AFG1L: variants seen among roughly 807,000 people sequenced by gnomAD.
AFG1L encodes AFG1 like ATPase.
Under a neutral mutation model 62.2 loss-of-function variants are expected in AFG1L, and 53 were observed. The observed-to-expected ratio is 0.85, with a 90% CI of 0.68 to 1.07. The LOEUF is 1.07. AFG1L is among the 50% of genes least tolerant of loss of function. The pLI, the probability that AFG1L is intolerant of heterozygous loss-of-function variation, is 0.00. For synonymous variants in AFG1L, 228 were observed against 210.3 expected (o/e 1.08, Z -0.73); for missense variants, 555 against 590.5 (o/e 0.94, Z 0.62).
intron 6 of AFG1L, among the ~76,000 whole-genome samples, chr6:108,386,326 T>G (rs539096434): frequency 1.1e-4 from 16 of 152,192 alleles, no homozygotes; most frequent in African/African-American, 3.9e-4. Context: ...CTGGGCATGG[T>G]GGCGCATACC....
At chr6:108,510,438 C>T in intron 11 of AFG1L, 86 bp downstream of exon 11, 2 of 969,042 alleles carry the variant, frequency 2.1e-6, no homozygotes, top group Non-Finnish European at 3.1e-6. Context: ...ACTTAACATA[C>T]TTCTATCACT....
chr6:108,476,765 C>CT (rs533673486), intron 8 of AFG1L, 100 bp from the exon 9 acceptor site: 5,206 of 720,246 alleles, frequency 7.2e-3, no homozygotes, highest in Non-Finnish European at 8.3e-3. Flanking sequence ...ACATCCTGTT[C>CT]TTTTTTTTTA....
chr6:108,431,748 A>T (rs1221465418), intron 7 of AFG1L, among the ~76,000 whole-genome samples: 4 of 150,706 alleles, frequency 2.7e-5, no homozygotes, highest in East Asian at 2.0e-4. Flanking sequence ...ACACCTGGCT[A>T]ATTTTTTGTA....
At chr6:108,364,120 C>T (rs999851403) in intron 5 of AFG1L, among the ~76,000 whole-genome samples, 2 of 152,070 alleles carry the variant, frequency 1.3e-5, no homozygotes, top group East Asian at 1.9e-4. Flanking sequence ...CTCTTTTGTT[C>T]GTGGTGGTAA....
At position 108,476,894 on chromosome 6, in the gene AFG1L, T is replaced by C. The variant is rs139391153; in HGVS notation, c.920T>C (p.Met307Thr). ...AGTGAAGCTGATGTGGAGGCTGTCA[T>C]GGATAAGTTGTTTGATGAGCTGGCT... ...LTSEADVEAV[M>T]DKLFDELAQK... The change falls in exon 9 of 13, where the codon ATG becomes ACG. Residue 307 changes from methionine to threonine, a missense_variant. Transcript: ENST00000368977. The C allele has an allele frequency of 2.7e-4, 436 of 1,613,966 alleles. 4 individuals are homozygous for C. In the South Asian group the frequency reaches 3.9e-3, roughly 14 times the overall value.
Position 108,519,819 on chromosome 6 carries a change from T to C in AFG1L, c.1317+9T>C, listed in dbSNP as rs768010083. Reference sequence around the variant, plus strand: ...ATTTGGGGCTGAGCCAGGTAGGCGATATTAACATAATCTCTTTTTATTATA... The same window carrying C: ...ATTTGGGGCTGAGCCAGGTAGGCGACATTAACATAATCTCTTTTTATTATA... On this transcript the variant is annotated intron_variant, in intron 12 of 12. Coordinates refer to ENST00000368977, the MANE Select transcript of AFG1L (RefSeq NM_145315.5). 6.6e-7 allele frequency: 1 copy of C among 1,526,196 alleles called. No homozygotes were observed. Among genetic ancestry groups the C allele is most frequent in the Non-Finnish European group, 9.0e-7 (1 of 1,112,094 alleles). The allele number at this position is 1,526,196 out of a possible 1,614,324, so 94.5% of individuals were successfully genotyped here.
chr6:108,297,306 C>T (rs1208943662), intron 1 of AFG1L, among the ~76,000 whole-genome samples: 1 of 152,020 alleles, frequency 6.6e-6, no homozygotes, highest in East Asian at 1.9e-4. Context: ...TGGGGTTTCA[C>T]CATGTTGGGC....
intron 3 of AFG1L, among the ~76,000 whole-genome samples, chr6:108,351,845 T>A (rs1195979585): frequency 2.0e-5 from 3 of 152,194 alleles, no homozygotes; most frequent in African/African-American, 7.2e-5. Context: ...AGAACATGAG[T>A]GTAGACATCC....
chr6:108,333,271 G>A (rs1210211511), intron 2 of AFG1L, among the ~76,000 whole-genome samples: 2 of 152,132 alleles, frequency 1.3e-5, no homozygotes, highest in Non-Finnish European at 2.9e-5. Flanking sequence ...TTAGCCAGGT[G>A]TGGTGGCGGG....
chr6:108,408,873 A>G (rs1040901881), intron 7 of AFG1L, among the ~76,000 whole-genome samples: 3 of 151,878 alleles, frequency 2.0e-5, no homozygotes, highest in Non-Finnish European at 4.4e-5. Flanking sequence ...GCCATATTTT[A>G]TCATAGAAAC....
intron 6 of AFG1L, among the ~76,000 whole-genome samples, chr6:108,393,457 T>TCAA (rs1781148983): frequency 1.3e-5 from 2 of 152,008 alleles, no homozygotes; most frequent in African/African-American, 4.8e-5. Flanking sequence ...CATATAGTTT[T>TCAA]GGATGATATA....
At chr6:108,349,670 C>G (rs982140847) in intron 3 of AFG1L, among the ~76,000 whole-genome samples, 1 of 152,060 alleles carries the variant, frequency 6.6e-6, no homozygotes, top group South Asian at 2.1e-4. Context: ...AATCTCAGCA[C>G]TTTGGGAGGC....
At chr6:108,320,780 A>C (rs1297123044) in intron 1 of AFG1L, among the ~76,000 whole-genome samples, 3 of 152,078 alleles carry the variant, frequency 2.0e-5, no homozygotes, top group African/African-American at 7.2e-5. Flanking sequence ...TAAAGGGCTC[A>C]AGCTGGGGTG....
At position 108,446,002 on chromosome 6, in the gene AFG1L, A is replaced by G. The variant is rs115426876; in HGVS notation, c.808-1212A>G. Among the ~76,000 whole-genome samples, 968 of 150,772 alleles carry G rather than the reference A, an allele frequency of 6.4e-3. 5 individuals carry two copies. The highest frequency in any genetic ancestry group is 0.019 in the African/African-American group (794 of 41,290). On this transcript the variant is annotated intron_variant, in intron 7 of 12. Coordinates refer to ENST00000368977, the MANE Select transcript of AFG1L (RefSeq NM_145315.5). ...AAAATTGCAATATTTGAGAAGCACA[A>G]TAAAGGGAAACACAATAAAATGAAG...
At chr6:108,397,652 TTC>T (rs1460893280) in intron 6 of AFG1L, among the ~76,000 whole-genome samples, 23 of 152,190 alleles carry the variant, frequency 1.5e-4, no homozygotes, top group African/African-American at 4.8e-4. Flanking sequence ...CATCCTTCTA[TTC>T]TCTGTGAGTT....
At chr6:108,402,396 G>A (rs1367972504) in intron 7 of AFG1L, among the ~76,000 whole-genome samples, 5 of 151,370 alleles carry the variant, frequency 3.3e-5, no homozygotes, top group East Asian at 1.9e-4. Context: ...CCCTGGAGGC[G>A]GAGGTTGCAG....
intron 8 of AFG1L, among the ~76,000 whole-genome samples, chr6:108,463,318 G>A (rs1213908154): frequency 2.0e-5 from 3 of 147,712 alleles, no homozygotes; most frequent in African/African-American, 7.5e-5. Flanking sequence ...AAAAATCCCT[G>A]GCCTCTGGCC....
intron 6 of AFG1L, among the ~76,000 whole-genome samples, chr6:108,367,674 A>G (rs6568540): frequency 0.99 from 150,742 of 152,256 alleles, 74,631 homozygotes; most frequent in East Asian, 1. Flanking sequence ...CAAGGGGGAT[A>G]CATATAAGAG....
In AFG1L at chr6:108,493,337, G is replaced by A. The variant is rs149722361; in HGVS notation, c.1062+16045G>A. On this transcript the variant is annotated intron_variant, in intron 10 of 12. Transcript: ENST00000368977. The stretch of plus-strand genomic sequence containing the variant: ...AGCTTCCAGAACATGGTGAGCCAAG[G>A]TGTGTGAAGACCCATTTCCTCCAGC... Among the ~76,000 whole-genome samples the A allele has an allele frequency of 4.3e-3, 649 of 152,300 alleles. 3 individuals are homozygous for A. The highest frequency in any genetic ancestry group is 0.015 in the African/African-American group (628 of 41,556).
Sources: gnomAD v4.1 joint callset for allele counts (sites outside exome capture counted in the v4.1 genomes callset) on GRCh38, gnomAD v4.1.1 for gene constraint, MANE v1.5 for transcripts, NCBI Gene and HGNC (gene_info 2026-07-23, HGNC 2026-07-21) for gene names.